The following CWC27 variants were observed in gnomAD, a reference collection of about 807,000 sequenced individuals.
The protein encoded by CWC27 is CWC27 spliceosome associated cyclophilin.
A neutral mutation model predicts 63.6 loss-of-function variants in CWC27; 47 were observed. The ratio of observed to expected loss-of-function variants is 0.74; its 90% CI spans 0.58 to 0.94. The LOEUF (loss-of-function observed/expected upper bound fraction) is 0.94. CWC27 is among the 40% of genes least tolerant of loss of function. The pLI, the probability that CWC27 is intolerant of heterozygous loss-of-function variation, is 0.00. For synonymous variants in CWC27, 175 were observed against 179.8 expected (o/e 0.97, Z 0.22); for missense variants, 495 against 554.3 (o/e 0.89, Z 1.07).
chr5:64,937,940 TGCTTTCCA>T (rs1748391369), intron 11 of CWC27, among the ~76,000 whole-genome samples: 1 of 143,932 alleles, frequency 6.9e-6, no homozygotes, highest in African/African-American at 2.7e-5. Context: ...TTTTTTTTTT[TGCTTTCCA>T]TTTGCTTTGT....
At chr5:65,007,049 G>A (rs1160591997) in intron 13 of CWC27, among the ~76,000 whole-genome samples, 2 of 152,072 alleles carry the variant, frequency 1.3e-5, no homozygotes, top group Admixed American at 6.6e-5. Context: ...TAATTTTGCA[G>A]TGTAGAAACC....
At chr5:64,798,907 G>A (rs898983755) in intron 7 of CWC27, among the ~76,000 whole-genome samples, 2 of 152,084 alleles carry the variant, frequency 1.3e-5, no homozygotes, top group African/African-American at 4.8e-5. Flanking sequence ...TATATGATTA[G>A]TTGGGAGTTG....
intron 10 of CWC27, among the ~76,000 whole-genome samples, chr5:64,859,015 G>A (rs1358252372): frequency 6.6e-6 from 1 of 152,190 alleles, no homozygotes; most frequent in Non-Finnish European, 1.5e-5. Context: ...AGGATAATAA[G>A]TAAACAATTA....
chr5:64,804,464 C>T, intron 10 of CWC27, 78 bp downstream of exon 10: 2 of 1,336,508 alleles, frequency 1.5e-6, no homozygotes, highest in Non-Finnish European at 2.0e-6. Context: ...ATCCTCTCTT[C>T]AGCTAATTTT....
At chr5:64,980,806 T>C (rs149700327) in intron 13 of CWC27, among the ~76,000 whole-genome samples, 393 of 152,316 alleles carry the variant, frequency 2.6e-3, no homozygotes, top group East Asian at 7.3e-3. Flanking sequence ...AAGATGTTCA[T>C]TGTGGCCAGG....
intron 9 of CWC27, among the ~76,000 whole-genome samples, chr5:64,803,009 T>G (rs767767863): frequency 2.6e-5 from 4 of 152,178 alleles, no homozygotes; most frequent in Admixed American, 6.5e-5. Context: ...ATGGAAGGCC[T>G]AGGTTGGTGG....
intron 11 of CWC27, among the ~76,000 whole-genome samples, chr5:64,940,860 T>C (rs1370413218): frequency 1.4e-5 from 2 of 144,254 alleles, no homozygotes; most frequent in East Asian, 3.9e-4. Flanking sequence ...TTTTTTTTTT[T>C]TTTTTTGAGA....
intron 11 of CWC27, among the ~76,000 whole-genome samples, chr5:64,960,409 G>C (rs1748885691): frequency 1.3e-5 from 2 of 152,054 alleles, no homozygotes; most frequent in Admixed American, 1.3e-4. Context: ...TTAGTTAGAA[G>C]ATTAAACAAG....
At chr5:65,012,698 G>C (rs1249406700) in intron 13 of CWC27, among the ~76,000 whole-genome samples, 1 of 152,130 alleles carries the variant, frequency 6.6e-6, no homozygotes, top group Non-Finnish European at 1.5e-5. Context: ...AGATTATTCA[G>C]TTCAAATAAT....
At chr5:64,770,007 T>G (rs1253523172) in intron 1 of CWC27, among the ~76,000 whole-genome samples, 1 of 152,208 alleles carries the variant, frequency 6.6e-6, no homozygotes, top group Non-Finnish European at 1.5e-5. Context: ...ACATATGAAA[T>G]TTGATGAATC....
At chr5:64,784,497 G>GT (rs1327491757) in intron 4 of CWC27, among the ~76,000 whole-genome samples, 1 of 152,074 alleles carries the variant, frequency 6.6e-6, no homozygotes, top group African/African-American at 2.4e-5. Context: ...CTTTAAAAAG[G>GT]GATTCTGAAG....
At chr5:64,934,303 C>A (rs930565150) in intron 11 of CWC27, among the ~76,000 whole-genome samples, 2 of 152,138 alleles carry the variant, frequency 1.3e-5, no homozygotes, top group Non-Finnish European at 2.9e-5. Flanking sequence ...TTCCCTGTGT[C>A]CATGTGTTCT....
rs1157360219 is a variant in CWC27 at position 64,990,240 on chromosome 5, G to GTT, written c.1256+13011_1256+13012dup. ...TATCAGAGCTCTAGAGTTTTTATTT[G>GTT]TTTTTTTTTTGTTTTTTTTTTTTTT... is the stretch of plus-strand genomic sequence containing the variant. On this transcript the variant is annotated intron_variant, in intron 13 of 13. Transcript: ENST00000381070. Among the ~76,000 whole-genome samples, 56 of 77,552 alleles carry GTT rather than the reference G, an allele frequency of 7.2e-4. 5 individuals are homozygous for GTT. The highest frequency in any genetic ancestry group is 2.6e-3 in the African/African-American group (51 of 19,750). 50.9% of individuals were successfully genotyped at this position (77,552 alleles called of 152,430 possible).
chr5:65,001,862 T>C (rs1749738126), intron 13 of CWC27, among the ~76,000 whole-genome samples: 2 of 141,784 alleles, frequency 1.4e-5, no homozygotes, highest in African/African-American at 5.5e-5. Context: ...AATTCTTTTA[T>C]CTTCAATTTT....
intron 11 of CWC27, among the ~76,000 whole-genome samples, chr5:64,936,737 T>G (rs1488857425): frequency 6.6e-6 from 1 of 152,212 alleles, no homozygotes; most frequent in East Asian, 1.9e-4. Context: ...CCTGGCCTTT[T>G]TTTGGTTGGT....
intron 7 of CWC27, among the ~76,000 whole-genome samples, chr5:64,797,536 G>C (rs879622667): frequency 5.9e-5 from 9 of 152,012 alleles, no homozygotes; most frequent in South Asian, 2.1e-4. Context: ...TTAAACACAG[G>C]TTCCTCCTAT....
intron 13 of CWC27, among the ~76,000 whole-genome samples, chr5:64,985,850 C>T (rs1181422813): frequency 1.3e-5 from 2 of 152,192 alleles, no homozygotes; most frequent in Non-Finnish European, 2.9e-5. Context: ...AGCCTTCAGT[C>T]TTTCACCATT....
At chr5:64,992,446 G>A (rs1255428075) in intron 13 of CWC27, among the ~76,000 whole-genome samples, 1 of 152,034 alleles carries the variant, frequency 6.6e-6, no homozygotes, top group Non-Finnish European at 1.5e-5. Context: ...GACTTTCAGA[G>A]GCCTTTGATT....
intron 10 of CWC27, among the ~76,000 whole-genome samples, chr5:64,831,661 G>C (rs1745524587): frequency 6.6e-6 from 1 of 151,776 alleles, no homozygotes; most frequent in African/African-American, 2.4e-5. Context: ...CCAAACCCCT[G>C]TGACACACAA....
Sources: allele counts gnomAD v4.1 joint callset (sites outside exome capture counted in the v4.1 genomes callset), GRCh38; gene constraint gnomAD v4.1.1; transcripts MANE v1.5; gene names NCBI Gene and HGNC (gene_info 2026-07-23, HGNC 2026-07-21).